CLCN3: variants seen among roughly 807,000 people sequenced by gnomAD.
CLCN3 encodes the protein Cl-/H+ antiporter 3.
A neutral mutation model predicts 83.4 loss-of-function variants in CLCN3; 16 were observed. That is an observed-to-expected ratio of 0.19 (90% CI 0.13 to 0.29). The LOEUF (loss-of-function observed/expected upper bound fraction) is 0.29, where lower values mean the gene tolerates loss of function less well. CLCN3 is among the 10% of genes least tolerant of loss of function. The pLI, the probability that CLCN3 is intolerant of heterozygous loss-of-function variation, is 1.00. For missense variants in CLCN3, 544 were observed against 1,006.0 expected (o/e 0.54, Z 6.21); for synonymous variants, 322 against 346.2 (o/e 0.93, Z 0.78).
In CLCN3 at chr4:169,697,704, CATA is replaced by C. The variant is rs1732620181; in HGVS notation, c.1536_1538del (p.Ile512del). ...TATGCCTGGCACTCATATTTAAAAT[CATA>C]ATGACAGTATTCACTTTTGGCATCA... On this transcript the variant is annotated inframe_deletion, in exon 9 of 13. Coordinates refer to ENST00000513761, the MANE Select transcript of CLCN3 (RefSeq NM_001829.4). 1 of 1,611,406 alleles carries C rather than the reference CATA, an allele frequency of 6.2e-7. No individual in the cohort carries two copies. Among genetic ancestry groups the C allele is most frequent in the Non-Finnish European group, 8.5e-7 (1 of 1,178,978 alleles).
intron 2 of CLCN3, among the ~76,000 whole-genome samples, chr4:169,669,479 A>G (rs1731377249): frequency 6.6e-6 from 1 of 152,162 alleles, no homozygotes; most frequent in Non-Finnish European, 1.5e-5. Flanking sequence ...GCAGAGCAAG[A>G]CCCCATCTCT....
At chr4:169,715,739 T>C (rs955261287) in intron 12 of CLCN3, among the ~76,000 whole-genome samples, 2 of 152,156 alleles carry the variant, frequency 1.3e-5, no homozygotes, top group African/African-American at 4.8e-5. Context: ...ATTGGTTTTC[T>C]GCACTTTATA....
rs546535748 is a variant in CLCN3, at chr4:169,713,898, A to T, written c.2366+603A>T. On this transcript the variant is annotated intron_variant, in intron 12 of 12. Transcript: ENST00000513761. Reference sequence around the variant, plus strand: ...GCTAAGGACAAATAAATACTCATGTATTTAAAATGTATACATTGATAATTT... The same window carrying T: ...GCTAAGGACAAATAAATACTCATGTTTTTAAAATGTATACATTGATAATTT... Among the ~76,000 whole-genome samples the T allele has an allele frequency of 2.0e-5, 3 of 152,336 alleles. No homozygotes were observed. In the South Asian group the frequency reaches 6.2e-4, roughly 32 times the overall value.
chr4:169,700,380 C>T (rs1480552480), intron 9 of CLCN3, among the ~76,000 whole-genome samples: 3 of 152,138 alleles, frequency 2.0e-5, no homozygotes, highest in African/African-American at 7.2e-5. Flanking sequence ...GCCTCAGCCT[C>T]CCAAGTAGCT....
chr4:169,624,248 C>T (rs970849111), intron 1 of CLCN3, among the ~76,000 whole-genome samples: 1 of 152,156 alleles, frequency 6.6e-6, no homozygotes, highest in Non-Finnish European at 1.5e-5. Flanking sequence ...ATTCTCATGC[C>T]TCAGCCTCTG....
At chr4:169,690,362 T>C (rs1307933216) in intron 5 of CLCN3, among the ~76,000 whole-genome samples, 168 bp from the exon 6 acceptor site, 20 of 152,100 alleles carry the variant, frequency 1.3e-4, no homozygotes, top group Admixed American at 1.3e-3. Context: ...GCCAAGCTAG[T>C]CTCGAACTCC....
chr4:169,625,280 C>T (rs4434205), intron 1 of CLCN3, among the ~76,000 whole-genome samples: 73,838 of 152,016 alleles, frequency 0.49, 18,632 homozygotes, highest in African/African-American at 0.6. Flanking sequence ...AGTTTATATC[C>T]ACTTTTCTTT....
chr4:169,690,890 C>G (rs1732342734), intron 6 of CLCN3, among the ~76,000 whole-genome samples: 1 of 152,026 alleles, frequency 6.6e-6, no homozygotes, highest in Admixed American at 6.6e-5. Flanking sequence ...TAATTTAACA[C>G]ATGACTAGGC....
intron 1 of CLCN3, among the ~76,000 whole-genome samples, chr4:169,630,438 C>A (rs1490945505): frequency 6.6e-6 from 1 of 152,228 alleles, no homozygotes; most frequent in East Asian, 1.9e-4. Context: ...CCAGCAGCAT[C>A]CCCATTGCTG....
At chr4:169,672,260 A>AGATAGATAGAT (rs1560848445) in intron 2 of CLCN3, among the ~76,000 whole-genome samples, 6 of 151,914 alleles carry the variant, frequency 3.9e-5, no homozygotes, top group South Asian at 2.1e-4. Flanking sequence ...ATAGATAGAT[A>AGATAGATAGAT]AAATGAGGAT....
At chr4:169,692,667 A>T (rs1421393269) in intron 7 of CLCN3, among the ~76,000 whole-genome samples, 1 of 152,094 alleles carries the variant, frequency 6.6e-6, no homozygotes, top group Non-Finnish European at 1.5e-5. Context: ...TTTCAACATT[A>T]AGAGGTTGGG....
At chr4:169,680,616 A>G (rs1731898829) in intron 3 of CLCN3, 2 of 154,500 alleles carry the variant, frequency 1.3e-5, no homozygotes, top group Non-Finnish European at 1.4e-5. Context: ...GAAGAAATCT[A>G]CTGGGGGCAG....
chr4:169,705,745 C>T (rs1300306578), intron 10 of CLCN3, among the ~76,000 whole-genome samples: 3 of 152,008 alleles, frequency 2.0e-5, no homozygotes, highest in African/African-American at 7.2e-5. Flanking sequence ...AACTGACGAG[C>T]CCTGGTAGGT....
At chr4:169,714,124 A>T (rs780775489) in intron 12 of CLCN3, among the ~76,000 whole-genome samples, 2 of 152,148 alleles carry the variant, frequency 1.3e-5, no homozygotes, top group Non-Finnish European at 2.9e-5. Context: ...CTTCATTTCC[A>T]CTATATATTC....
chr4:169,643,257 T>G (rs1174033711), intron 2 of CLCN3: 1 of 152,064 alleles, frequency 6.6e-6, no homozygotes, highest in African/African-American at 2.4e-5. Flanking sequence ...TGAGGCAGAG[T>G]TTTGCTCTTG....
intron 2 of CLCN3, among the ~76,000 whole-genome samples, chr4:169,671,269 A>T (rs1490759779): frequency 6.6e-6 from 1 of 152,228 alleles, no homozygotes. Flanking sequence ...ATGCAGCCAT[A>T]AAAAAGAATG....
chr4:169,647,600 C>T (rs929191154), intron 2 of CLCN3, among the ~76,000 whole-genome samples: 1 of 151,766 alleles, frequency 6.6e-6, no homozygotes, highest in Non-Finnish European at 1.5e-5. Context: ...TCCTAAGGGT[C>T]AAAGCTGGAA....
rs766374464 is a variant in CLCN3, at chr4:169,697,456, C to T, written c.1285C>T (p.Leu429=). The T allele has an allele frequency of 1.2e-6, 2 of 1,614,074 alleles. No individual in the cohort carries two copies. Among genetic ancestry groups the T allele is most frequent in the East Asian group, 2.2e-5 (1 of 44,904 alleles). ...KSTKFGKYPV[L]EVIIVAAITA... is the part of the protein sequence containing the mutation. ...CACGAAATTTGGAAAGTATCCCGTT[C>T]TGGAAGTCATTATTGTTGCAGCCAT... is the stretch of plus-strand genomic sequence containing the variant. The change falls in exon 9 of 13, where the codon CTG becomes TTG. Residue 429 remains leucine, a synonymous_variant. Coordinates refer to ENST00000513761, the MANE Select transcript of CLCN3 (RefSeq NM_001829.4).
At chr4:169,696,648 C>T (rs541901940) in intron 8 of CLCN3, among the ~76,000 whole-genome samples, 18 of 151,970 alleles carry the variant, frequency 1.2e-4, no homozygotes, top group Non-Finnish European at 2.5e-4. Flanking sequence ...GAACTTATTC[C>T]TCCTCTGTAA....
Sources: gnomAD v4.1 joint callset for allele counts (sites outside exome capture counted in the v4.1 genomes callset) on GRCh38, gnomAD v4.1.1 for gene constraint, MANE v1.5 for transcripts, NCBI Gene and HGNC (gene_info 2026-07-23, HGNC 2026-07-21) for gene names.